Variants in USH2A observed in about 807,000 individuals in gnomAD.
The protein encoded by USH2A is usherin, also known as Usher syndrome 2A (autosomal recessive, mild).
Under a neutral mutation model 538.9 loss-of-function variants are expected in USH2A, and 443 were observed. The ratio of observed to expected loss-of-function variants is 0.82; its 90% confidence interval spans 0.76 to 0.89. USH2A has a LOEUF of 0.89. Among genes scored for constraint, USH2A ranks in the 40% least tolerant of loss-of-function variants. The pLI is 0.00. For synonymous variants in USH2A, 2,413 were observed against 2,273.5 expected (o/e 1.06, Z -1.75); for missense variants, 6,633 against 6,324.8 (o/e 1.05, Z -1.65).
chr1:215,728,350 A>G lies in USH2A; in HGVS notation c.11746T>C (p.Phe3916Leu). 6.2e-7 allele frequency: 1 copy of G among 1,614,216 alleles called. No individual in the cohort carries two copies. Among genetic ancestry groups the G allele is most frequent in the Non-Finnish European group, 8.5e-7 (1 of 1,180,042 alleles). ...PAGIEEESVL[F>L]VWSEGALEFM... Reference sequence around the variant, plus strand: ...TCAAGGGCTCCTTCTGACCAGACAAATAAAACAGACTCCTCTTCAATGCCA... The same window carrying G: ...TCAAGGGCTCCTTCTGACCAGACAAGTAAAACAGACTCCTCTTCAATGCCA... Residue 3916 changes from phenylalanine (F) to leucine (L), a missense_variant, in exon 61 of 72, where the codon TTT becomes CTT. By Grantham distance (22) the Phe-to-Leu change is conservative. Coordinates refer to ENST00000307340, the MANE Select transcript of USH2A (RefSeq NM_206933.4).
At chr1:216,200,169 G>T (rs865903872) in intron 16 of USH2A, 48 bp from the exon 17 acceptor site, 2 of 1,576,756 alleles carry the variant, frequency 1.3e-6, no homozygotes, top group Middle Eastern at 3.4e-4. Flanking sequence ...TCACAAGTTG[G>T]TGAAGAATCA....
intron 11 of USH2A, among the ~76,000 whole-genome samples, chr1:216,257,796 A>G (rs2036287045): frequency 6.6e-6 from 1 of 152,016 alleles, no homozygotes. Context: ...CTTCAAGTTC[A>G]CTAATTTTTT....
chr1:216,144,785 ACTAT>A (rs1285360439), intron 21 of USH2A, among the ~76,000 whole-genome samples: 1 of 152,084 alleles, frequency 6.6e-6, no homozygotes, highest in African/African-American at 2.4e-5. Flanking sequence ...TTGTTTTTTA[ACTAT>A]CTATCTCTGA....
In USH2A at chr1:215,625,778, C is replaced by G; in HGVS notation, c.*3G>C. 1.9e-6 allele frequency: 3 copies of G among 1,614,058 alleles called. No homozygotes were observed. Among genetic ancestry groups the G allele is most frequent in the Non-Finnish European group, 2.5e-6 (3 of 1,179,968 alleles). On this transcript the variant is annotated 3_prime_UTR_variant, in exon 72 of 72. Coordinates refer to ENST00000307340, the MANE Select transcript of USH2A (RefSeq NM_206933.4). Reference sequence around the variant, plus strand: ...AGGGTTACGTCTTCTGGGTTTCCATCCTTTACAGGTGGGTGTCTGTGAATG... The same window carrying G: ...AGGGTTACGTCTTCTGGGTTTCCATGCTTTACAGGTGGGTGTCTGTGAATG...
Position 215,655,372 on chromosome 1 carries a change from C to G in USH2A, c.14134-4571G>C, listed in dbSNP as rs114330998. On this transcript the variant is annotated intron_variant, in intron 64 of 71. Coordinates refer to ENST00000307340, the MANE Select transcript of USH2A (RefSeq NM_206933.4). Reference sequence around the variant, plus strand: ...TTAATTACTGTGTTTTTTCACAGTTCCAAACAGAACTAGAGTTTACTGACT... The same window carrying G: ...TTAATTACTGTGTTTTTTCACAGTTGCAAACAGAACTAGAGTTTACTGACT... Among the ~76,000 whole-genome samples, 1,042 of 152,214 alleles carry G rather than the reference C, an allele frequency of 6.8e-3. 14 individuals are homozygous for G. Among genetic ancestry groups the G allele is most frequent in the African/African-American group, 0.024 (999 of 41,536 alleles).
At chr1:215,744,360 T>C (rs1660402979) in intron 58 of USH2A, among the ~76,000 whole-genome samples, 1 of 152,230 alleles carries the variant, frequency 6.6e-6, no homozygotes, top group African/African-American at 2.4e-5. Context: ...TCAAAGTCTA[T>C]TTATATAATT....
intron 4 of USH2A, among the ~76,000 whole-genome samples, chr1:216,361,796 T>G (rs2038495745): frequency 6.6e-6 from 1 of 152,192 alleles, no homozygotes; most frequent in South Asian, 2.1e-4. Flanking sequence ...CTTTACAGAA[T>G]TATTTGCTAA....
chr1:216,163,695 A>T (rs1332892373), intron 21 of USH2A, among the ~76,000 whole-genome samples: 1 of 152,008 alleles, frequency 6.6e-6, no homozygotes, highest in Non-Finnish European at 1.5e-5. Flanking sequence ...GAGGAAGAAG[A>T]GCCTATTAAT....
At chr1:215,709,481 G>C (rs146144147) in intron 61 of USH2A, among the ~76,000 whole-genome samples, 177 of 151,462 alleles carry the variant, frequency 1.2e-3, no homozygotes, top group African/African-American at 4.1e-3. Context: ...AAGAAAAACA[G>C]AGCAAAATCT....
At chr1:216,119,856 A>G (rs1183973442) in intron 21 of USH2A, among the ~76,000 whole-genome samples, 1 of 152,088 alleles carries the variant, frequency 6.6e-6, no homozygotes, top group African/African-American at 2.4e-5. Context: ...ATTCTTATCT[A>G]TAGACATCCC....
intron 11 of USH2A, among the ~76,000 whole-genome samples, chr1:216,286,639 G>A (rs983307608): frequency 6.6e-6 from 1 of 152,096 alleles, no homozygotes; most frequent in African/African-American, 2.4e-5. Context: ...CAGGAGAATA[G>A]CTTGAACCCC....
intron 4 of USH2A, among the ~76,000 whole-genome samples, chr1:216,364,542 G>A (rs888722194): frequency 2.0e-5 from 3 of 152,188 alleles, no homozygotes; most frequent in Non-Finnish European, 2.9e-5. Context: ...TCCTGACTGT[G>A]AGTGGGCCCT....
intron 61 of USH2A, among the ~76,000 whole-genome samples, chr1:215,698,748 A>C (rs11120610): frequency 0.14 from 21,079 of 152,148 alleles, 1,613 homozygotes; most frequent in East Asian, 0.31. Flanking sequence ...GATAGGTTGC[A>C]AAAATTTTCT....
At chr1:216,157,497 CA>C (rs2033971443) in intron 21 of USH2A, among the ~76,000 whole-genome samples, 1 of 152,034 alleles carries the variant, frequency 6.6e-6, no homozygotes, top group South Asian at 2.1e-4. Context: ...ATCATTCTAC[CA>C]AAAAGACGCA....
At chr1:216,384,034 T>C (rs1023770901) in intron 3 of USH2A, among the ~76,000 whole-genome samples, 3 of 151,710 alleles carry the variant, frequency 2.0e-5, no homozygotes, top group African/African-American at 7.3e-5. Context: ...ATTTTAAAAT[T>C]TATTATTTTT....
intron 4 of USH2A, among the ~76,000 whole-genome samples, chr1:216,358,646 T>C (rs1274014945): frequency 6.6e-6 from 1 of 152,114 alleles, no homozygotes; most frequent in African/African-American, 2.4e-5. Context: ...ATACAGTAGG[T>C]ACGACTGTAC....
rs1351527109 is a variant in USH2A at position 215,675,750 on chromosome 1, T to C, written c.12295-134A>G. 2.7e-6 allele frequency: 4 copies of C among 1,508,530 alleles called. No homozygotes were observed. The African/African-American group carries it at 5.5e-5, about 21-fold the overall frequency. The allele number at this position is 1,508,530 out of a possible 1,614,324, so 93.4% of individuals were successfully genotyped here. A position where few individuals can be genotyped will look rare whatever the true frequency, so the allele number is the denominator to read the frequency against. ...TAATTTAGAAGAAGTATTCTGATAT[T>C]AATTGGGGATATGTGATTTTTTTCA... On this transcript the variant is annotated intron_variant, in intron 62 of 71. Coordinates refer to ENST00000307340, the MANE Select transcript of USH2A (RefSeq NM_206933.4).
chr1:216,018,811 T>C (rs3057802), intron 32 of USH2A, among the ~76,000 whole-genome samples: 31 of 151,828 alleles, frequency 2.0e-4, no homozygotes, highest in African/African-American at 7.2e-4. Flanking sequence ...TTATTATTAT[T>C]ATTATCTCTG....
intron 46 of USH2A, among the ~76,000 whole-genome samples, chr1:215,840,076 T>C (rs548953811): frequency 7.2e-6 from 1 of 138,888 alleles, no homozygotes; most frequent in Non-Finnish European, 1.5e-5. Context: ...GGCACGAGAA[T>C]CTCTTGATTC....
Sources: allele counts gnomAD v4.1 joint callset (sites outside exome capture counted in the v4.1 genomes callset), GRCh38; gene constraint gnomAD v4.1.1; transcripts MANE v1.5; gene names NCBI Gene and HGNC (gene_info 2026-07-23, HGNC 2026-07-21).